The following CTNNA3 variants were observed in gnomAD, a reference collection of about 807,000 sequenced individuals.
CTNNA3 encodes catenin alpha 3, also known as catenin alpha-3.
CTNNA3 carries 76 observed loss-of-function variants against 95.7 expected under a neutral mutation model. The ratio of observed to expected loss-of-function variants is 0.79; its 90% CI spans 0.66 to 0.96. The LOEUF (loss-of-function observed/expected upper bound fraction) is 0.96. Among genes scored for constraint, CTNNA3 ranks in the 40% least tolerant of loss-of-function variants. The pLI, the probability that CTNNA3 is intolerant of heterozygous loss-of-function variation, is 0.00. For synonymous variants in CTNNA3, 431 were observed against 374.4 expected (o/e 1.15, Z -1.74); for missense variants, 1,191 against 1,089.8 (o/e 1.09, Z -1.31).
chr10:66,161,341 A>G (rs1174618288), intron 13 of CTNNA3, among the ~76,000 whole-genome samples: 1 of 152,134 alleles, frequency 6.6e-6, no homozygotes, highest in Non-Finnish European at 1.5e-5. Context: ...TGTTTCCAGC[A>G]TTTGTTTCAA....
rs965727530 is a variant in CTNNA3, at chr10:66,529,473, C to A, written c.1375-8700G>T. ...TTGTTTTTTTTTTTTAATAAAAAAA[C>A]CTATCTTCTGAAATGATAAAATGAA... On this transcript the variant is annotated intron_variant, in intron 10 of 17. Transcript: ENST00000433211. Among the ~76,000 whole-genome samples the A allele has an allele frequency of 1.3e-3, 175 of 139,852 alleles. 1 individual carries two copies. The highest frequency in any genetic ancestry group is 4.5e-3 in the African/African-American group (170 of 38,020). The allele number at this position is 139,852 out of a possible 152,430, so 91.7% of individuals were successfully genotyped here.
At chr10:66,626,740 G>A (rs1479024575) in intron 9 of CTNNA3, among the ~76,000 whole-genome samples, 1 of 152,128 alleles carries the variant, frequency 6.6e-6, no homozygotes, top group African/African-American at 2.4e-5. Context: ...GAGATGGTAA[G>A]AGTAATAGAA....
chr10:67,563,244 A>G (rs1841607312), intron 3 of CTNNA3, among the ~76,000 whole-genome samples: 1 of 152,204 alleles, frequency 6.6e-6, no homozygotes, highest in Non-Finnish European at 1.5e-5. Context: ...AAACTATACT[A>G]CAAGGCTACA....
At chr10:67,760,741 A>T (rs1841457878) in intron 1 of CTNNA3, among the ~76,000 whole-genome samples, 1 of 152,134 alleles carries the variant, frequency 6.6e-6, no homozygotes, top group Admixed American at 6.5e-5. Context: ...TCATAGGAGC[A>T]TGAACCCTAC....
chr10:67,262,178 C>A (rs188046883), intron 5 of CTNNA3, among the ~76,000 whole-genome samples: 1 of 152,200 alleles, frequency 6.6e-6, no homozygotes, highest in Non-Finnish European at 1.5e-5. Context: ...TTATAAGCCA[C>A]AAGTTTTCAC....
intron 13 of CTNNA3, among the ~76,000 whole-genome samples, chr10:66,119,593 G>A (rs1447491090): frequency 1.3e-5 from 2 of 151,924 alleles, no homozygotes; most frequent in Non-Finnish European, 2.9e-5. Context: ...AGCTTTTTTA[G>A]GCTTTAACTA....
intron 7 of CTNNA3, among the ~76,000 whole-genome samples, chr10:66,942,373 G>T (rs1356540744): frequency 6.6e-6 from 1 of 152,140 alleles, no homozygotes; most frequent in African/African-American, 2.4e-5. Flanking sequence ...TCCTTTAATG[G>T]ACTTGCTCTA....
At chr10:67,133,378 T>TACAC (rs71006130) in intron 7 of CTNNA3, among the ~76,000 whole-genome samples, 15 of 133,884 alleles carry the variant, frequency 1.1e-4, no homozygotes, top group Admixed American at 2.3e-4. Context: ...TATATATATA[T>TACAC]ACACACACAC....
intron 7 of CTNNA3, among the ~76,000 whole-genome samples, chr10:66,814,079 G>A (rs1013399439): frequency 6.6e-6 from 1 of 151,996 alleles, no homozygotes; most frequent in East Asian, 1.9e-4. Context: ...GACTTATAAG[G>A]TTGCTAAACC....
At chr10:66,109,255 G>C (rs1276926488) in intron 13 of CTNNA3, among the ~76,000 whole-genome samples, 1 of 152,180 alleles carries the variant, frequency 6.6e-6, no homozygotes, top group African/African-American at 2.4e-5. Context: ...GACAGGGTCG[G>C]TGAGACTCCC....
At chr10:66,524,909 C>T (rs1042195265) in intron 10 of CTNNA3, among the ~76,000 whole-genome samples, 8 of 151,970 alleles carry the variant, frequency 5.3e-5, no homozygotes, top group East Asian at 1.9e-4. Flanking sequence ...ATTAGCTGGG[C>T]GTGGTGGTGC....
intron 11 of CTNNA3, among the ~76,000 whole-genome samples, chr10:66,492,580 C>A (rs1839961787): frequency 6.6e-6 from 1 of 152,014 alleles, no homozygotes; most frequent in African/African-American, 2.4e-5. Context: ...ACAATGATAG[C>A]AATCACTTAT....
intron 7 of CTNNA3, among the ~76,000 whole-genome samples, chr10:66,946,286 C>T (rs1848269613): frequency 6.6e-6 from 1 of 152,164 alleles, no homozygotes; most frequent in African/African-American, 2.4e-5. Flanking sequence ...ATAGTGATCA[C>T]ATTTTGACCT....
intron 11 of CTNNA3, among the ~76,000 whole-genome samples, chr10:66,408,569 T>A (rs2093075646): frequency 1.3e-5 from 2 of 152,138 alleles, no homozygotes; most frequent in African/African-American, 4.8e-5. Context: ...ATTTTAATCA[T>A]CCTTAAGCTG....
intron 7 of CTNNA3, among the ~76,000 whole-genome samples, chr10:67,071,079 A>G (rs1856422435): frequency 6.6e-6 from 1 of 152,166 alleles, no homozygotes; most frequent in Non-Finnish European, 1.5e-5. Context: ...TACTTTTGCA[A>G]TGGTATTGAT....
Position 65,966,764 on chromosome 10 carries a change from A to T in CTNNA3, c.2266-18T>A. The T allele has an allele frequency of 6.3e-7, 1 of 1,579,618 alleles. No individual in the cohort carries two copies. The highest frequency in any genetic ancestry group is 8.7e-7 in the Non-Finnish European group (1 of 1,152,338). On this transcript the variant is annotated intron_variant, in intron 16 of 17. Transcript: ENST00000433211. Reference sequence around the variant, plus strand: ...TCTGGGCACTAAATATGAATCAAAGATAAAAATAGATACAGCAGAATAAAT... The same window carrying T: ...TCTGGGCACTAAATATGAATCAAAGTTAAAAATAGATACAGCAGAATAAAT...
In CTNNA3 at chr10:67,560,400, G is replaced by A. The variant is rs568453874; in HGVS notation, c.293-20731C>T. Among the ~76,000 whole-genome samples the A allele has an allele frequency of 1.2e-4, 18 of 152,154 alleles. No homozygotes were observed. The East Asian group carries it at 2.9e-3, about 24-fold the overall frequency. On this transcript the variant is annotated intron_variant, in intron 3 of 17. Transcript: ENST00000433211. ...TCCAGCCAAACTAAGCTTCATAAGT[G>A]AAGGAGAAATAAAATACTTTACAGA...
chr10:66,757,487 A>C (rs1372703455), intron 9 of CTNNA3, among the ~76,000 whole-genome samples: 2 of 152,178 alleles, frequency 1.3e-5, no homozygotes, highest in Non-Finnish European at 2.9e-5. Flanking sequence ...TGATTTTCTT[A>C]GGTCTTGTGT....
chr10:65,966,930 T>C (rs1009038080), intron 16 of CTNNA3, among the ~76,000 whole-genome samples, 184 bp from the exon 17 acceptor site: 3 of 152,194 alleles, frequency 2.0e-5, no homozygotes, highest in Non-Finnish European at 4.4e-5. Context: ...GCAACCTTAG[T>C]TACTTCAGCT....
Sources: gnomAD v4.1 joint callset for allele counts (sites outside exome capture counted in the v4.1 genomes callset) on GRCh38, gnomAD v4.1.1 for gene constraint, MANE v1.5 for transcripts, NCBI Gene and HGNC (gene_info 2026-07-23, HGNC 2026-07-21) for gene names.